Variants in EIF4G3 observed in about 807,000 individuals in gnomAD.
EIF4G3 encodes the protein eIF-4-gamma 3.
Under a neutral mutation model 186.4 loss-of-function variants are expected in EIF4G3, and 34 were observed. The observed-to-expected ratio is 0.18, with a 90% CI of 0.14 to 0.24. The LOEUF (loss-of-function observed/expected upper bound fraction) is 0.24, where lower values mean the gene tolerates loss of function less well. EIF4G3 is among the 10% of genes least tolerant of loss of function. The pLI, the probability that EIF4G3 is intolerant of heterozygous loss-of-function variation, is 1.00. For synonymous variants in EIF4G3, 673 were observed against 679.5 expected (o/e 0.99, Z 0.15); for missense variants, 1,536 against 1,948.5 (o/e 0.79, Z 3.99).
intron 30 of EIF4G3, among the ~76,000 whole-genome samples, chr1:20,838,603 A>G (rs1360955250): frequency 6.6e-6 from 1 of 152,152 alleles, no homozygotes; most frequent in African/African-American, 2.4e-5. Context: ...ACCAATAACC[A>G]CAGCAACTTT....
chr1:20,903,227 T>A (rs1433540229), intron 15 of EIF4G3, among the ~76,000 whole-genome samples: 1 of 152,214 alleles, frequency 6.6e-6, no homozygotes, highest in East Asian at 1.9e-4. Flanking sequence ...ATTTACACAT[T>A]GTTGATGGCT....
At chr1:21,041,398 C>T (rs2093573444) in intron 4 of EIF4G3, among the ~76,000 whole-genome samples, 1 of 152,010 alleles carries the variant, frequency 6.6e-6, no homozygotes, top group Non-Finnish European at 1.5e-5. Flanking sequence ...TCAGCATCCC[C>T]CTTATTAATC....
chr1:20,912,300 A>G (rs1268891032), intron 14 of EIF4G3, among the ~76,000 whole-genome samples: 1 of 152,200 alleles, frequency 6.6e-6, no homozygotes, highest in Non-Finnish European at 1.5e-5. Context: ...TAAAAAATTA[A>G]TAAAGCTGTT....
chr1:20,868,638 T>A (rs1348631624), intron 20 of EIF4G3, among the ~76,000 whole-genome samples: 1 of 152,168 alleles, frequency 6.6e-6, no homozygotes, highest in African/African-American at 2.4e-5. Flanking sequence ...GAAAGGTATG[T>A]GACAGTGGGA....
intron 3 of EIF4G3, among the ~76,000 whole-genome samples, chr1:21,074,524 G>A (rs972656191): frequency 2.6e-5 from 4 of 151,752 alleles, no homozygotes; most frequent in South Asian, 4.2e-4. Context: ...AAATGCTACT[G>A]GAGAAAAAAA....
At chr1:21,040,769 T>C (rs1224022053) in intron 4 of EIF4G3, among the ~76,000 whole-genome samples, 2 of 152,196 alleles carry the variant, frequency 1.3e-5, no homozygotes, top group Non-Finnish European at 2.9e-5. Context: ...TCCCTGTGGA[T>C]GAACCCTAAC....
At chr1:20,982,689 AG>A (rs1262571592) in intron 7 of EIF4G3, among the ~76,000 whole-genome samples, 1 of 152,174 alleles carries the variant, frequency 6.6e-6, no homozygotes, top group Admixed American at 6.5e-5. Context: ...GTAGTGTGCA[AG>A]GAAATGTCTG....
intron 4 of EIF4G3, among the ~76,000 whole-genome samples, chr1:21,020,483 C>T (rs1317810104): frequency 6.6e-6 from 1 of 151,898 alleles, no homozygotes; most frequent in Non-Finnish European, 1.5e-5. Flanking sequence ...GAGTGAGACC[C>T]TGTCTCAAAA....
intron 14 of EIF4G3, among the ~76,000 whole-genome samples, chr1:20,928,882 C>T (rs1036396514): frequency 6.6e-6 from 1 of 152,136 alleles, no homozygotes; most frequent in Admixed American, 6.5e-5. Context: ...TTAGCACCGT[C>T]TCCCCACTCT....
Position 20,862,342 on chromosome 1 carries a change from A to G in EIF4G3, c.3007-10T>C, listed in dbSNP as rs2154552016. 1 of 1,524,010 alleles carries G rather than the reference A, an allele frequency of 6.6e-7. No homozygotes were observed. Among genetic ancestry groups the G allele is most frequent in the East Asian group, 2.3e-5 (1 of 43,892 alleles). 94.4% of individuals were successfully genotyped at this position (1,524,010 alleles called of 1,614,324 possible). A position where few individuals can be genotyped will look rare whatever the true frequency, so the allele number is the denominator to read the frequency against. On this transcript the variant is annotated splice_polypyrimidine_tract_variant and intron_variant, in intron 22 of 36. Coordinates refer to ENST00000602326, the MANE Select transcript of EIF4G3 (RefSeq NM_001391906.1). ...ACTGGTCCATACGTGGCTGCAAGAG[A>G]CAAAATCATTAGTACTCCTGTCTGA...
At chr1:20,822,426 G>A (rs1225040704) in intron 33 of EIF4G3, among the ~76,000 whole-genome samples, 1 of 131,536 alleles carries the variant, frequency 7.6e-6, no homozygotes, top group Non-Finnish European at 1.5e-5. Context: ...GTGCAATGGT[G>A]CAATCTTGGC....
intron 2 of EIF4G3, among the ~76,000 whole-genome samples, chr1:21,172,327 A>G (rs1031564454): frequency 5.9e-5 from 9 of 152,170 alleles, no homozygotes; most frequent in African/African-American, 2.2e-4. Flanking sequence ...CTCTCACAGC[A>G]GAGTTATCAG....
intron 2 of EIF4G3, among the ~76,000 whole-genome samples, chr1:21,099,612 A>G (rs1302971166): frequency 2.0e-5 from 3 of 152,218 alleles, no homozygotes; most frequent in African/African-American, 7.2e-5. Context: ...ACTAGTTAAG[A>G]CAAAAATGTA....
intron 21 of EIF4G3, 124 bp downstream of exon 21, chr1:20,864,992 A>G (rs2077241523): frequency 6.4e-6 from 7 of 1,101,916 alleles, no homozygotes; most frequent in Non-Finnish European, 7.8e-6. Context: ...TTGTTTCTAC[A>G]TGGAAAAAAA....
At chr1:20,975,954 C>T (rs1001731082) in intron 10 of EIF4G3, among the ~76,000 whole-genome samples, 2 of 151,748 alleles carry the variant, frequency 1.3e-5, no homozygotes, top group African/African-American at 4.8e-5. Flanking sequence ...GCAACAGAGA[C>T]CATACAGCCT....
intron 4 of EIF4G3, among the ~76,000 whole-genome samples, chr1:21,024,577 A>T (rs2091733343): frequency 6.7e-6 from 1 of 149,380 alleles, no homozygotes; most frequent in South Asian, 2.1e-4. Flanking sequence ...GATCCTGTTG[A>T]TCTGTGACCT....
intron 30 of EIF4G3, among the ~76,000 whole-genome samples, chr1:20,840,101 T>C (rs2068058996): frequency 6.6e-6 from 1 of 152,160 alleles, no homozygotes; most frequent in Non-Finnish European, 1.5e-5. Flanking sequence ...GTGTTTATAT[T>C]TGATACAACA....
chr1:21,115,087 T>C (rs2096793640), intron 2 of EIF4G3, among the ~76,000 whole-genome samples: 1 of 152,214 alleles, frequency 6.6e-6, no homozygotes, highest in South Asian at 2.1e-4. Context: ...AAAAATATCT[T>C]AGTATAATCT....
intron 2 of EIF4G3, among the ~76,000 whole-genome samples, chr1:21,122,864 T>C (rs1342843817): frequency 6.6e-6 from 1 of 152,208 alleles, no homozygotes; most frequent in South Asian, 2.1e-4. Context: ...TTTCAAGCTA[T>C]ACAGATTCGG....
Sources: allele counts gnomAD v4.1 joint callset (sites outside exome capture counted in the v4.1 genomes callset), GRCh38; gene constraint gnomAD v4.1.1; transcripts MANE v1.5; gene names NCBI Gene and HGNC (gene_info 2026-07-23, HGNC 2026-07-21).